The following DTD1 variants were observed in gnomAD, a reference collection of about 807,000 sequenced individuals.
The protein encoded by DTD1 is D-aminoacyl-tRNA deacylase 1.
In DTD1, 13 loss-of-function variants were observed where a neutral mutation model predicts 25.6. That is an observed-to-expected ratio of 0.51 (90% CI 0.33 to 0.81). The LOEUF (loss-of-function observed/expected upper bound fraction) is 0.81. DTD1 is among the 30% of genes least tolerant of loss of function. The probability of loss-of-function intolerance (pLI) is 0.02; values close to 1 mark genes in which losing one functional copy is unlikely to be tolerated. For missense variants in DTD1, 193 were observed against 266.4 expected (o/e 0.72, Z 1.92); for synonymous variants, 110 against 103.6 (o/e 1.06, Z -0.37).
At chr20:18,701,331 C>A (rs561341540) in intron 4 of DTD1, among the ~76,000 whole-genome samples, 4 of 152,272 alleles carry the variant, frequency 2.6e-5, no homozygotes, top group African/African-American at 9.6e-5. Flanking sequence ...TAACAAGCAC[C>A]CCAATAAGGG....
intron 4 of DTD1, among the ~76,000 whole-genome samples, chr20:18,695,496 TTTCCC>T (rs1236295942): frequency 1.5e-3 from 77 of 50,084 alleles, no homozygotes; most frequent in Middle Eastern, 9.1e-3. Context: ...CTTCCTTTCC[TTTCCC>T]TTCCCTTCCC....
At chr20:18,656,084 T>C (rs2060890718) in intron 4 of DTD1, among the ~76,000 whole-genome samples, 1 of 152,182 alleles carries the variant, frequency 6.6e-6, no homozygotes, top group Non-Finnish European at 1.5e-5. Context: ...TTTGTTTTCT[T>C]TTTTTTCCCT....
rs143821648 is a variant in DTD1 at position 18,690,759 on chromosome 20, T to C, written c.478-53341T>C. Among the ~76,000 whole-genome samples, 26 of 151,188 alleles carry C rather than the reference T, an allele frequency of 1.7e-4. No homozygotes were observed. In the East Asian group the frequency reaches 2.3e-3, roughly 13 times the overall value. On this transcript the variant is annotated intron_variant, in intron 4 of 5. Coordinates refer to ENST00000377452, the MANE Select transcript of DTD1 (RefSeq NM_080820.6). ...TGGTTACTGTAGCCTTATACTATAG[T>C]TTAATGTCAGGTAATGTGATGCCTC...
rs146374032 is a variant in DTD1 at position 18,686,244 on chromosome 20, T to G, written c.478-57856T>G. Among the ~76,000 whole-genome samples, 143 of 152,386 alleles carry G rather than the reference T, an allele frequency of 9.4e-4. 1 individual carries two copies. The highest frequency in any genetic ancestry group is 2.9e-3 in the African/African-American group (122 of 41,604). On this transcript the variant is annotated intron_variant, in intron 4 of 5. Coordinates refer to ENST00000377452, the MANE Select transcript of DTD1 (RefSeq NM_080820.6). ...AACATTTTCCCCATTTGAAATATTC[T>G]TCTCTAGCATGATTATAAATGGCTG...
At chr20:18,624,991 A>G (rs1298072505) in intron 3 of DTD1, among the ~76,000 whole-genome samples, 1 of 152,156 alleles carries the variant, frequency 6.6e-6, no homozygotes, top group Non-Finnish European at 1.5e-5. Flanking sequence ...TCACTTTTCC[A>G]TAGTTAGGTA....
At chr20:18,644,881 C>G (rs1239259589) in intron 4 of DTD1, among the ~76,000 whole-genome samples, 31 of 152,116 alleles carry the variant, frequency 2.0e-4, no homozygotes, top group Admixed American at 2.0e-3. Context: ...CGCAGTGGCT[C>G]ACATCTATAA....
In DTD1 at chr20:18,680,860, TC is replaced by T. The variant is rs200374012; in HGVS notation, c.477+52630del. On this transcript the variant is annotated intron_variant, in intron 4 of 5. Transcript: ENST00000377452. ...TTTGGTGGTGTCATCTTAAAATGGT[TC>T]CCTGAATGAGTGAGTTTATCTGTAT... Among the ~76,000 whole-genome samples the T allele has an allele frequency of 5.4e-3, 829 of 152,276 alleles. 2 individuals are homozygous for T. Among genetic ancestry groups the T allele is most frequent in the African/African-American group, 0.018 (741 of 41,534 alleles).
At chr20:18,713,265 T>C (rs1280818138) in intron 4 of DTD1, among the ~76,000 whole-genome samples, 1 of 152,286 alleles carries the variant, frequency 6.6e-6, no homozygotes, top group Non-Finnish European at 1.5e-5. Flanking sequence ...TCTGACTTTA[T>C]AGGTGTGCAC....
intron 4 of DTD1, among the ~76,000 whole-genome samples, chr20:18,687,309 G>A (rs2061020889): frequency 6.6e-6 from 1 of 152,194 alleles, no homozygotes; most frequent in Non-Finnish European, 1.5e-5. Context: ...GGCAGTGTTG[G>A]TGGAGGGAGG....
chr20:18,694,186 C>T (rs921545920), intron 4 of DTD1, among the ~76,000 whole-genome samples: 1 of 152,182 alleles, frequency 6.6e-6, no homozygotes, highest in African/African-American at 2.4e-5. Context: ...ACAGAGACAC[C>T]ATCTGGGTGA....
At chr20:18,682,673 A>T (rs1023182257) in intron 4 of DTD1, among the ~76,000 whole-genome samples, 4 of 152,218 alleles carry the variant, frequency 2.6e-5, no homozygotes, top group African/African-American at 7.2e-5. Flanking sequence ...TTGACAGTCA[A>T]CTCATCTCTA....
chr20:18,714,370 T>A (rs1293336300), intron 4 of DTD1, among the ~76,000 whole-genome samples: 2 of 152,248 alleles, frequency 1.3e-5, no homozygotes, highest in Non-Finnish European at 2.9e-5. Context: ...TCAAGCTGTT[T>A]TTATTAACAT....
At chr20:18,639,712 AT>A (rs2060821179) in intron 4 of DTD1, among the ~76,000 whole-genome samples, 1 of 152,168 alleles carries the variant, frequency 6.6e-6, no homozygotes, top group African/African-American at 2.4e-5. Flanking sequence ...TCGTTTGACT[AT>A]TTTCCATAAA....
At chr20:18,707,915 G>A (rs369260812) in intron 4 of DTD1, among the ~76,000 whole-genome samples, 4 of 151,692 alleles carry the variant, frequency 2.6e-5, no homozygotes, top group African/African-American at 9.7e-5. Context: ...CCTTGTGAGT[G>A]TGTCTGGTGA....
intron 4 of DTD1, among the ~76,000 whole-genome samples, chr20:18,658,301 C>G (rs1334616373): frequency 6.7e-6 from 1 of 150,298 alleles, no homozygotes; most frequent in African/African-American, 2.5e-5. Flanking sequence ...CAAGCTATAG[C>G]TAGTGTCTCT....
At chr20:18,700,734 G>C (rs371265756) in intron 4 of DTD1, among the ~76,000 whole-genome samples, 1 of 152,130 alleles carries the variant, frequency 6.6e-6, no homozygotes, top group East Asian at 1.9e-4. Flanking sequence ...GGGCTTCAGT[G>C]GACTGAGATT....
At chr20:18,590,172 T>C (rs981113169) in intron 1 of DTD1, among the ~76,000 whole-genome samples, 1 of 152,220 alleles carries the variant, frequency 6.6e-6, no homozygotes, top group Non-Finnish European at 1.5e-5. Flanking sequence ...TTTAAATTTA[T>C]GCATTTATGG....
intron 4 of DTD1, chr20:18,632,191 C>G (rs1442869811): frequency 2.0e-6 from 2 of 985,282 alleles, no homozygotes; most frequent in Admixed American, 1.2e-4. Context: ...CTCAAGTAGG[C>G]ATTTTTTAAA....
chr20:18,676,096 G>A (rs1600359473), intron 4 of DTD1, among the ~76,000 whole-genome samples: 1 of 152,270 alleles, frequency 6.6e-6, no homozygotes, highest in East Asian at 1.9e-4. Flanking sequence ...CCTCTTAGGA[G>A]CAGTGATTTG....
Sources: allele counts gnomAD v4.1 joint callset (sites outside exome capture counted in the v4.1 genomes callset), GRCh38; gene constraint gnomAD v4.1.1; transcripts MANE v1.5; gene names NCBI Gene and HGNC (gene_info 2026-07-23, HGNC 2026-07-21).